Variants in NRIP1 observed in about 807,000 individuals in gnomAD.
NRIP1 encodes nuclear receptor-interacting protein 1.
Under a neutral mutation model 75.0 loss-of-function variants are expected in NRIP1, and 28 were observed. That is an observed-to-expected ratio of 0.37 (90% CI 0.28 to 0.51). The LOEUF is 0.51. Ranked by LOEUF, NRIP1 falls within the 20% of genes least tolerant of loss-of-function variation. The probability of loss-of-function intolerance (pLI) is 0.92; values close to 1 mark genes in which losing one functional copy is unlikely to be tolerated. For synonymous variants in NRIP1, 526 were observed against 487.6 expected (o/e 1.08, Z -1.04); for missense variants, 1,435 against 1,343.7 (o/e 1.07, Z -1.06).
chr21:14,996,362 C>T (rs955082066), intron 3 of NRIP1, among the ~76,000 whole-genome samples: 2 of 152,160 alleles, frequency 1.3e-5, no homozygotes, highest in Non-Finnish European at 2.9e-5. Context: ...AGAACACCAA[C>T]AGTGCTCTCC....
chr21:14,965,077 T>C lies in NRIP1; in HGVS notation c.3116A>G (p.Lys1039Arg). ...AGTGATAACCCACTTAATGGGTCCTTTCTCACTGGGCATGGAACACCCATT... is the reference window on the plus strand; with the variant it reads ...AGTGATAACCCACTTAATGGGTCCTCTCTCACTGGGCATGGAACACCCATT... ...LLNGCSMPSE[K>R]GPIKWVITDA... The change falls in exon 4 of 4, where the codon AAA becomes AGA. Residue 1039 changes from lysine to arginine, a missense_variant. Transcript: ENST00000318948. The C allele has an allele frequency of 6.2e-7, 1 of 1,613,784 alleles. No homozygotes were observed. The highest frequency in any genetic ancestry group is 8.5e-7 in the Non-Finnish European group (1 of 1,179,910).
rs1177315178 is a variant in NRIP1, at chr21:14,968,543, T to C, written c.-334-17A>G. ...ATCAGTGTTCTAAAAAAAATAAAAATAAGAATAGTTAAGGAGGCAGAACTA... is the reference window on the plus strand; with the variant it reads ...ATCAGTGTTCTAAAAAAAATAAAAACAAGAATAGTTAAGGAGGCAGAACTA... On this transcript the variant is annotated splice_polypyrimidine_tract_variant and intron_variant, in intron 3 of 3. Coordinates refer to ENST00000318948, the MANE Select transcript of NRIP1 (RefSeq NM_003489.4). The C allele has an allele frequency of 1.0e-5, 2 of 192,156 alleles. No individual in the cohort carries two copies. Among genetic ancestry groups the C allele is most frequent in the South Asian group, 1.4e-4 (1 of 7,122 alleles). The allele number at this position is 192,156 out of a possible 1,614,324, so 11.9% of individuals were successfully genotyped here. A position where few individuals can be genotyped will look rare whatever the true frequency, so the allele number is the denominator to read the frequency against.
intron 2 of NRIP1, among the ~76,000 whole-genome samples, chr21:15,021,268 TGAAA>T (rs2088366864): frequency 6.6e-6 from 1 of 152,176 alleles, no homozygotes; most frequent in South Asian, 2.1e-4. Flanking sequence ...TAATGCTTAG[TGAAA>T]GAAGCTAAAT....
chr21:15,022,368 C>T (rs1191326329), intron 2 of NRIP1, among the ~76,000 whole-genome samples: 1 of 152,100 alleles, frequency 6.6e-6, no homozygotes, highest in Non-Finnish European at 1.5e-5. Flanking sequence ...GGGAACAATA[C>T]ACACTGGGCC....
At chr21:14,992,422 G>C (rs957216840) in intron 3 of NRIP1, 1 of 152,152 alleles carries the variant, frequency 6.6e-6, no homozygotes, top group East Asian at 1.9e-4. Flanking sequence ...CAGTCTGAGT[G>C]AGTTTTGTAG....
chr21:14,965,585 A>G lies in NRIP1; in HGVS notation c.2608T>C (p.Phe870Leu), dbSNP rs756970047. 1.2e-6 allele frequency: 2 copies of G among 1,614,028 alleles called. No homozygotes were observed. Among genetic ancestry groups the G allele is most frequent in the South Asian group, 2.2e-5 (2 of 91,082 alleles). Residue 870 changes from phenylalanine to leucine, a missense_variant, in exon 4 of 4, where the codon TTT (phenylalanine) becomes CTT (leucine). Coordinates refer to ENST00000318948, the MANE Select transcript of NRIP1 (RefSeq NM_003489.4). ...KLYTEPLENP[F>L]KKMKNNIVDA... ...ACAATGTTGTTTTTCATCTTTTTAA[A>G]TGGATTTTCTAATGGCTCAGTATAA...
In NRIP1 at chr21:14,964,909, G is replaced by A; in HGVS notation, c.3284C>T (p.Ser1095Phe). The A allele has an allele frequency of 6.2e-7, 1 of 1,613,440 alleles. No homozygotes were observed. The highest frequency in any genetic ancestry group is 8.5e-7 in the Non-Finnish European group (1 of 1,179,698). Residue 1095 changes from serine (S) to phenylalanine (F), a missense_variant, in exon 4 of 4, where the codon TCT (serine) becomes TTT (phenylalanine). Coordinates refer to ENST00000318948, the MANE Select transcript of NRIP1 (RefSeq NM_003489.4). ...QDKDIWREAS[S>F]AESVSQVTAK... Reference sequence around the variant, plus strand: ...TGTGACCTGTGAGACACTTTCAGCAGATGAAGCCTCCCTCCAAATGTCCTT... The same window carrying A: ...TGTGACCTGTGAGACACTTTCAGCAAATGAAGCCTCCCTCCAAATGTCCTT...
chr21:15,033,345 G>A (rs898441802), intron 2 of NRIP1, among the ~76,000 whole-genome samples: 3 of 151,752 alleles, frequency 2.0e-5, no homozygotes, highest in Non-Finnish European at 2.9e-5. Flanking sequence ...CCATTTTACA[G>A]ATGAGAACAC....
At chr21:14,990,937 G>A (rs907035331) in intron 3 of NRIP1, among the ~76,000 whole-genome samples, 2 of 152,080 alleles carry the variant, frequency 1.3e-5, no homozygotes, top group African/African-American at 4.8e-5. Flanking sequence ...GTTACCCTAG[G>A]TCAGGTAAGG....
intron 3 of NRIP1, among the ~76,000 whole-genome samples, chr21:15,009,654 G>A (rs1296223625): frequency 6.6e-6 from 1 of 152,188 alleles, no homozygotes; most frequent in Admixed American, 6.5e-5. Context: ...AGTCCAGGAA[G>A]CACAATGGCA....
Position 14,966,300 on chromosome 21 carries a change from T to G in NRIP1, c.1893A>C (p.Leu631Phe). 6.2e-7 allele frequency: 1 copy of G among 1,614,152 alleles called. No individual in the cohort carries two copies. Among genetic ancestry groups the G allele is most frequent in the Non-Finnish European group, 8.5e-7 (1 of 1,179,984 alleles). ...GCATTCCACATTGTGCTAAATTTTG[T>G]AACAGCTTACTGGCACTAAACGTTG... ...NSATFSASKL[L>F]QNLAQCGMQS... Residue 631 changes from leucine (L) to phenylalanine (F), a missense_variant, in exon 4 of 4, where the codon TTA becomes TTC. Physicochemically the swap from Leu to Phe is conservative, Grantham distance 22. Transcript: ENST00000318948.
intron 2 of NRIP1, among the ~76,000 whole-genome samples, 151 bp downstream of exon 2, chr21:15,043,344 T>C (rs1023522555): frequency 1.4e-4 from 22 of 152,330 alleles, no homozygotes; most frequent in African/African-American, 4.6e-4. Context: ...AATTGAAATA[T>C]AACCTTCTTT....
intron 1 of NRIP1, among the ~76,000 whole-genome samples, chr21:15,059,810 T>C (rs2089385622): frequency 2.6e-5 from 4 of 152,280 alleles, no homozygotes; most frequent in Admixed American, 2.0e-4. Flanking sequence ...TATTTTTGAA[T>C]TGCCAGCCTT....
At chr21:15,059,532 G>A (rs946046478) in intron 1 of NRIP1, among the ~76,000 whole-genome samples, 1 of 150,754 alleles carries the variant, frequency 6.6e-6, no homozygotes, top group Non-Finnish European at 1.5e-5. Flanking sequence ...AAGAAGGAAG[G>A]GAGGGAAGGA....
chr21:15,028,218 C>T lies in NRIP1; in HGVS notation c.-457-13752G>A, dbSNP rs1463272205. ...CATTCTTGTTAAATGCAAATGAGTA[C>T]AATAATCTTGTTAAAAGACATCTCA... On this transcript the variant is annotated intron_variant, in intron 2 of 3. Coordinates refer to ENST00000318948, the MANE Select transcript of NRIP1 (RefSeq NM_003489.4). Among the ~76,000 whole-genome samples, 3 of 152,042 alleles carry T rather than the reference C, an allele frequency of 2.0e-5. No individual in the cohort carries two copies. The East Asian group carries it at 5.8e-4, about 29-fold the overall frequency.
Position 14,964,865 on chromosome 21 carries a change from G to C in NRIP1, c.3328C>G (p.Pro1110Ala). Reference protein sequence around the residue: ...SQVTAKEELLPTAETKASFFN... With the variant: ...SQVTAKEELLATAETKASFFN... ...AAAGAAGCTTTCGTTTCTGCAGTAGGAAGTAACTCTTCTTTGGCTGTGACC... is the reference window on the plus strand; with the variant it reads ...AAAGAAGCTTTCGTTTCTGCAGTAGCAAGTAACTCTTCTTTGGCTGTGACC... Residue 1110 changes from proline to alanine, a missense_variant, in exon 4 of 4, where the codon CCT becomes GCT. Coordinates refer to ENST00000318948, the MANE Select transcript of NRIP1 (RefSeq NM_003489.4). The C allele has an allele frequency of 6.2e-7, 1 of 1,613,370 alleles. No individual in the cohort carries two copies. The highest frequency in any genetic ancestry group is 8.5e-7 in the Non-Finnish European group (1 of 1,179,682).
At chr21:15,052,247 C>A (rs1036087138) in intron 1 of NRIP1, 1 of 152,118 alleles carries the variant, frequency 6.6e-6, no homozygotes, top group Non-Finnish European at 1.5e-5. Context: ...AGCTCCAATT[C>A]TTTAATCTCC....
In NRIP1 at chr21:14,964,863, A is replaced by G. The variant is rs61733442; in HGVS notation, c.3330T>C (p.Pro1110=). ...AGAAAGAAGCTTTCGTTTCTGCAGTAGGAAGTAACTCTTCTTTGGCTGTGA... is the reference window on the plus strand; with the variant it reads ...AGAAAGAAGCTTTCGTTTCTGCAGTGGGAAGTAACTCTTCTTTGGCTGTGA... ...SQVTAKEELL[P]TAETKASFFN... The change falls in exon 4 of 4, where the codon CCT becomes CCC. Residue 1110 remains proline (P), a synonymous_variant. Coordinates refer to ENST00000318948, the MANE Select transcript of NRIP1 (RefSeq NM_003489.4). 2.6e-4 allele frequency: 426 copies of G among 1,613,444 alleles called. 1 individual carries two copies. The African/African-American group carries it at 4.2e-3, about 16-fold the overall frequency.
intron 2 of NRIP1, among the ~76,000 whole-genome samples, chr21:15,027,056 G>T (rs1014495391): frequency 6.6e-6 from 1 of 151,990 alleles, no homozygotes; most frequent in African/African-American, 2.4e-5. Context: ...ATTTGAAACA[G>T]CAAGTATCCG....
Sources: allele counts gnomAD v4.1 joint callset (sites outside exome capture counted in the v4.1 genomes callset), GRCh38; gene constraint gnomAD v4.1.1; transcripts MANE v1.5; gene names NCBI Gene and HGNC (gene_info 2026-07-23, HGNC 2026-07-21).